The following TPO variants were observed in gnomAD, a reference collection of about 807,000 sequenced individuals.
TPO encodes thyroid peroxidase.
TPO carries 78 observed loss-of-function variants against 96.9 expected under a neutral mutation model. The observed-to-expected ratio is 0.81, with a 90% CI of 0.67 to 0.97. The LOEUF (loss-of-function observed/expected upper bound fraction) is 0.97, where lower values mean the gene tolerates loss of function less well. Among genes scored for constraint, TPO ranks in the 50% least tolerant of loss-of-function variants. TPO has a pLI of 0.00. For synonymous variants in TPO, 547 were observed against 538.0 expected (o/e 1.02, Z -0.23); for missense variants, 1,252 against 1,274.8 (o/e 0.98, Z 0.27).
At chr2:1,509,101 G>C (rs188005497) in intron 14 of TPO, among the ~76,000 whole-genome samples, 3 of 152,092 alleles carry the variant, frequency 2.0e-5, no homozygotes, top group African/African-American at 7.2e-5. Context: ...GTTCTCGTTC[G>C]TTTCAAAGAA....
intron 15 of TPO, among the ~76,000 whole-genome samples, chr2:1,520,372 G>A (rs1167082587): frequency 6.6e-6 from 1 of 152,200 alleles, no homozygotes; most frequent in Non-Finnish European, 1.5e-5. Context: ...AGAACAGAGA[G>A]GGATAGGAAG....
intron 2 of TPO, among the ~76,000 whole-genome samples, chr2:1,415,639 G>A (rs761248921): frequency 1.9e-4 from 29 of 150,200 alleles, no homozygotes; most frequent in Middle Eastern, 3.5e-3. Flanking sequence ...ACATAGTCCC[G>A]GAGCCCCTGG....
At chr2:1,451,047 C>T (rs562024758) in intron 5 of TPO, among the ~76,000 whole-genome samples, 1 of 152,264 alleles carries the variant, frequency 6.6e-6, no homozygotes, top group African/African-American at 2.4e-5. Flanking sequence ...GAGAAGTAAC[C>T]ATGTCCCCAA....
Position 1,542,851 on chromosome 2 carries a change from T to C in TPO, c.*377T>C. 1 of 384,284 alleles carries C rather than the reference T, an allele frequency of 2.6e-6. No homozygotes were observed. Among genetic ancestry groups the C allele is most frequent in the East Asian group, 6.5e-5 (1 of 15,498 alleles). 23.8% of individuals were successfully genotyped at this position (384,284 alleles called of 1,614,324 possible). A position where few individuals can be genotyped will look rare whatever the true frequency, so the allele number is the denominator to read the frequency against. On this transcript the variant is annotated 3_prime_UTR_variant, in exon 17 of 17. Transcript: ENST00000329066. The stretch of plus-strand genomic sequence containing the variant: ...CGGCGGTCCCTCCAGCACTGGTTTT[T>C]CCACACCCCCTGCCCATCACCAGGT...
intron 7 of TPO, among the ~76,000 whole-genome samples, chr2:1,475,468 G>C (rs1475722139): frequency 2.0e-5 from 3 of 151,200 alleles, no homozygotes; most frequent in African/African-American, 7.3e-5. Context: ...CTGTCACCCA[G>C]GCAGGAGTAC....
chr2:1,443,179 C>T (rs1449850602), intron 5 of TPO, among the ~76,000 whole-genome samples: 2 of 152,186 alleles, frequency 1.3e-5, no homozygotes, highest in Admixed American at 1.3e-4. Context: ...CCAGCTCCTT[C>T]TTGTTGTATG....
At chr2:1,461,998 C>G (rs1668490270) in intron 7 of TPO, among the ~76,000 whole-genome samples, 1 of 152,196 alleles carries the variant, frequency 6.6e-6, no homozygotes, top group African/African-American at 2.4e-5. Flanking sequence ...TCAGCCATGT[C>G]ACTCTCCAGT....
At chr2:1,466,725 A>G (rs925683475) in intron 7 of TPO, among the ~76,000 whole-genome samples, 1 of 152,104 alleles carries the variant, frequency 6.6e-6, no homozygotes, top group East Asian at 1.9e-4. Flanking sequence ...GTCAGTTGTA[A>G]TATCTCCCAT....
At chr2:1,460,072 A>G (rs1668274723) in intron 7 of TPO, among the ~76,000 whole-genome samples, 1 of 151,774 alleles carries the variant, frequency 6.6e-6, no homozygotes, top group Non-Finnish European at 1.5e-5. Flanking sequence ...AGTAGCTGGG[A>G]CTACAGGCAT....
At chr2:1,432,435 A>G (rs538262019) in intron 3 of TPO, among the ~76,000 whole-genome samples, 9 of 152,230 alleles carry the variant, frequency 5.9e-5, no homozygotes, top group Admixed American at 2.0e-4. Flanking sequence ...CTGAGAATCT[A>G]AAAAGGCCAG....
intron 5 of TPO, among the ~76,000 whole-genome samples, chr2:1,437,551 G>A (rs956526283): frequency 2.0e-5 from 3 of 152,148 alleles, no homozygotes; most frequent in Non-Finnish European, 2.9e-5. Context: ...AACAGGAATC[G>A]GGGTCCTGGG....
intron 15 of TPO, among the ~76,000 whole-genome samples, chr2:1,533,076 T>C (rs2125264228): frequency 8.1e-6 from 1 of 124,100 alleles, no homozygotes; most frequent in South Asian, 2.5e-4. Flanking sequence ...ATCCCCCTAC[T>C]GCGAGCAACC....
chr2:1,501,358 C>T (rs537045781), intron 13 of TPO, among the ~76,000 whole-genome samples: 11 of 152,018 alleles, frequency 7.2e-5, no homozygotes, highest in South Asian at 2.1e-4. Context: ...GGGGACACTG[C>T]GGCTGAGGCT....
intron 8 of TPO, chr2:1,478,030 C>A: frequency 1.2e-5 from 12 of 985,428 alleles, no homozygotes; most frequent in Non-Finnish European, 1.4e-5. Flanking sequence ...CCCAGAACAA[C>A]CCTTGGAGGT....
chr2:1,434,921 C>T (rs1401245527), intron 4 of TPO, among the ~76,000 whole-genome samples: 23 of 151,976 alleles, frequency 1.5e-4, no homozygotes, highest in Non-Finnish European at 1.5e-5. Context: ...ATGACTATGA[C>T]CTCATAGTTC....
chr2:1,494,321 T>C (rs1173979343), intron 11 of TPO, among the ~76,000 whole-genome samples: 1 of 152,184 alleles, frequency 6.6e-6, no homozygotes, highest in African/African-American at 2.4e-5. Flanking sequence ...ACTAAACAAA[T>C]TGTGACACAA....
At chr2:1,533,444 CGCCCCCACTGTGTGCAACCTCCCCAAAT>C in intron 15 of TPO, among the ~76,000 whole-genome samples, 1 of 88,224 alleles carries the variant, frequency 1.1e-5, no homozygotes, top group African/African-American at 4.5e-5. Flanking sequence ...CTCCCGAAAT[CGCCCCCACTGTGTGCAACCTCCCCAAAT>C]CCCCCCAACT....
chr2:1,380,750 C>T (rs964869086), intron 1 of TPO, among the ~76,000 whole-genome samples: 3 of 152,260 alleles, frequency 2.0e-5, no homozygotes, highest in South Asian at 4.2e-4. Flanking sequence ...ATGCATTAGG[C>T]TGTTCTTGCA....
intron 1 of TPO, among the ~76,000 whole-genome samples, chr2:1,403,979 A>AT (rs1307483506): frequency 2.0e-5 from 3 of 152,238 alleles, no homozygotes; most frequent in African/African-American, 7.2e-5. Context: ...GCCTGCACCA[A>AT]TTCAGAGTCT....
Sources: allele counts gnomAD v4.1 joint callset (sites outside exome capture counted in the v4.1 genomes callset), GRCh38; gene constraint gnomAD v4.1.1; transcripts MANE v1.5; gene names NCBI Gene and HGNC (gene_info 2026-07-23, HGNC 2026-07-21).